AGO1: variants seen among roughly 807,000 people sequenced by gnomAD.
The protein encoded by AGO1 is protein argonaute-1.
Under a neutral mutation model 109.2 loss-of-function variants are expected in AGO1, and 11 were observed. That is an observed-to-expected ratio of 0.10 (90% CI 0.06 to 0.17). The LOEUF is 0.17. Among genes scored for constraint, AGO1 ranks in the 10% least tolerant of loss-of-function variants. The probability of loss-of-function intolerance (pLI) is 1.00; values close to 1 mark genes in which losing one functional copy is unlikely to be tolerated. For synonymous variants in AGO1, 422 were observed against 418.6 expected (o/e 1.01, Z -0.10); for missense variants, 574 against 1,140.3 (o/e 0.50, Z 7.15).
chr1:35,903,900 T>C (rs1645468560), intron 11 of AGO1, among the ~76,000 whole-genome samples: 1 of 151,324 alleles, frequency 6.6e-6, no homozygotes. Flanking sequence ...GAGGCAGAGG[T>C]TGCAGTGAGC....
chr1:35,901,464 G>T lies in AGO1; in HGVS notation c.1021-10G>T, dbSNP rs1645415304. 1 of 1,613,972 alleles carries T rather than the reference G, an allele frequency of 6.2e-7. No individual in the cohort carries two copies. Among genetic ancestry groups the T allele is most frequent in the Non-Finnish European group, 8.5e-7 (1 of 1,179,918 alleles). The stretch of plus-strand genomic sequence containing the variant: ...CAAGCCAGAGCTACCTGTCCTTCTT[G>T]TTTCCTCAGGTCTGTAACATTGTGG... On this transcript the variant is annotated splice_polypyrimidine_tract_variant and intron_variant, in intron 8 of 18. Coordinates refer to ENST00000373204, the MANE Select transcript of AGO1 (RefSeq NM_012199.5). The surrounding 1 kb of genome is among the most constrained non-coding windows in gnomAD (Gnocchi z 4.8).
chr1:35,912,479 G>C (rs977331894), intron 12 of AGO1, among the ~76,000 whole-genome samples: 108 of 151,636 alleles, frequency 7.1e-4, no homozygotes, highest in Middle Eastern at 3.4e-3. Flanking sequence ...AGGCCCATTT[G>C]CTTAGTTGAT....
chr1:35,878,144 T>C (rs1645007181), intron 1 of AGO1, among the ~76,000 whole-genome samples: 1 of 152,026 alleles, frequency 6.6e-6, no homozygotes, highest in Non-Finnish European at 1.5e-5. Flanking sequence ...AGTGCAGTGG[T>C]GCAGTCTCGG....
chr1:35,908,816 CTTTTTTTTTT>C (rs397861392), intron 12 of AGO1, among the ~76,000 whole-genome samples: 13 of 131,346 alleles, frequency 9.9e-5, no homozygotes, highest in Non-Finnish European at 1.5e-4. Context: ...TCTAACCTTC[CTTTTTTTTTT>C]TTTTTTTTTT....
upstream of AGO1, among the ~76,000 whole-genome samples, chr1:35,878,555 T>TG (rs1645010291): frequency 6.6e-6 from 1 of 152,186 alleles, no homozygotes; most frequent in Non-Finnish European, 1.5e-5. Context: ...TACATGGGGA[T>TG]GGGTAGGGAT....
chr1:35,901,341 C>A lies in AGO1; in HGVS notation c.1021-133C>A. On this transcript the variant is annotated intron_variant, in intron 8 of 18. Coordinates refer to ENST00000373204, the MANE Select transcript of AGO1 (RefSeq NM_012199.5). The surrounding 1 kb of genome is among the most constrained non-coding windows in gnomAD (Gnocchi z 4.8). ...TCAAATGATACTCAGGAGGAGAATA[C>A]ATGTATGCACAACGGATTTTGCAGT... 9.4e-7 allele frequency: 1 copy of A among 1,065,020 alleles called. No individual in the cohort carries two copies. Among genetic ancestry groups the A allele is most frequent in the Non-Finnish European group, 1.4e-6 (1 of 720,354 alleles). 66.0% of individuals were successfully genotyped at this position (1,065,020 alleles called of 1,614,324 possible).
chr1:35,906,921 A>C lies in AGO1; in HGVS notation c.1398-14A>C. On this transcript the variant is annotated splice_polypyrimidine_tract_variant and intron_variant, in intron 11 of 18. Coordinates refer to ENST00000373204, the MANE Select transcript of AGO1 (RefSeq NM_012199.5). ...GAGACTCACTGCCTCCTTTGTGACC[A>C]TGCGTGTGTACAGGAACTTCACAGA... 6.2e-7 allele frequency: 1 copy of C among 1,601,526 alleles called. No homozygotes were observed. Among genetic ancestry groups the C allele is most frequent in the Non-Finnish European group, 8.5e-7 (1 of 1,172,798 alleles).
chr1:35,915,646 G>A (rs1645721214), intron 15 of AGO1, 104 bp downstream of exon 15: 1 of 1,109,934 alleles, frequency 9.0e-7, no homozygotes, highest in African/African-American at 1.5e-5. Flanking sequence ...TCACTTCTTA[G>A]TGAGCTTTGC....
chr1:35,895,049 A>G, intron 7 of AGO1, 73 bp from the exon 8 acceptor site: 1 of 1,488,082 alleles, frequency 6.7e-7, no homozygotes, highest in Non-Finnish European at 9.0e-7. Flanking sequence ...TGAGGCTTCC[A>G]TGGTTGTGGG....
rs1410012607 is a variant in AGO1, at chr1:35,913,058, C to T, written c.1583-784C>T. Among the ~76,000 whole-genome samples the T allele has an allele frequency of 1.3e-4, 20 of 150,988 alleles. No homozygotes were observed. In the East Asian group the frequency reaches 3.5e-3, roughly 27 times the overall value. ...TTCTGGATATGGAGTCTCACTCTGT[C>T]GCCCAGGCTGGAGTGCAGTGGCACA... On this transcript the variant is annotated intron_variant, in intron 12 of 18. Transcript: ENST00000373204.
At chr1:35,916,423 A>G (rs972622092) in intron 15 of AGO1, among the ~76,000 whole-genome samples, 11 of 152,118 alleles carry the variant, frequency 7.2e-5, no homozygotes, top group African/African-American at 2.7e-4. Flanking sequence ...GGTGGAGCGC[A>G]GTGGTGTGAT....
In AGO1 at chr1:35,902,188, CT is replaced by C. The variant is rs762370064; in HGVS notation, c.1264-15del. The C allele has an allele frequency of 6.2e-7, 1 of 1,611,170 alleles. No individual in the cohort carries two copies. Among genetic ancestry groups the C allele is most frequent in the Admixed American group, 1.7e-5 (1 of 59,832 alleles). On this transcript the variant is annotated splice_polypyrimidine_tract_variant and intron_variant, in intron 10 of 18. Coordinates refer to ENST00000373204, the MANE Select transcript of AGO1 (RefSeq NM_012199.5). ...CTACTGAGGCTCACCTAGGCGCCCC[CT>C]CTACCTATCCCCAGAACCGGGCCAT...
intron 1 of AGO1, among the ~76,000 whole-genome samples, chr1:35,886,770 G>A (rs1054636654): frequency 6.6e-6 from 1 of 152,136 alleles, no homozygotes; most frequent in South Asian, 2.1e-4. Flanking sequence ...GTGTGTTTTT[G>A]TGGTGTGTCT....
At position 35,894,134 on chromosome 1, in the gene AGO1, G is replaced by T. The variant is rs780175783; in HGVS notation, c.747G>T (p.Thr249=). The T allele has an allele frequency of 1.3e-6, 2 of 1,585,448 alleles. No homozygotes were observed. The highest frequency in any genetic ancestry group is 4.5e-5 in the East Asian group (2 of 44,684). Residue 249 remains threonine (T), a synonymous_variant, in exon 6 of 19, where the codon ACG becomes ACT. Coordinates refer to ENST00000373204, the MANE Select transcript of AGO1 (RefSeq NM_012199.5). Reference sequence around the variant, plus strand: ...TAGATGAGCAGCCCAAGCCCCTCACGGACTCTCAGCGCGTTCGCTTCACCA... The same window carrying T: ...TAGATGAGCAGCCCAAGCCCCTCACTGACTCTCAGCGCGTTCGCTTCACCA... ...RNIDEQPKPL[T]DSQRVRFTKE...
At chr1:35,874,049 A>G (rs1644973799) in intron 1 of AGO1, among the ~76,000 whole-genome samples, 1 of 152,116 alleles carries the variant, frequency 6.6e-6, no homozygotes, top group South Asian at 2.1e-4. Context: ...TTTCATTATT[A>G]CTGTATCTGT....
At chr1:35,881,342 C>T (rs1337017637), upstream of AGO1, among the ~76,000 whole-genome samples, 2 of 151,580 alleles carry the variant, frequency 1.3e-5, no homozygotes, top group African/African-American at 2.4e-5. Flanking sequence ...TTTTTTGAGA[C>T]GGAGTTTCAC....
upstream of AGO1, among the ~76,000 whole-genome samples, chr1:35,878,704 A>G (rs1645011538): frequency 6.6e-6 from 1 of 152,182 alleles, no homozygotes; most frequent in East Asian, 1.9e-4. Context: ...ATTGGTTCTT[A>G]TAGATTTTCT....
rs879239347 is a variant in AGO1, at chr1:35,919,745, G to A, written c.*138G>A. The A allele has an allele frequency of 2.7e-6, 2 of 743,054 alleles. No homozygotes were observed. Among genetic ancestry groups the A allele is most frequent in the Non-Finnish European group, 4.3e-6 (2 of 463,654 alleles). 46.0% of individuals were successfully genotyped at this position (743,054 alleles called of 1,614,324 possible). On this transcript the variant is annotated 3_prime_UTR_variant, in exon 19 of 19. Transcript: ENST00000373204. The surrounding 1 kb of genome is among the most constrained non-coding windows in gnomAD (Gnocchi z 6.6). ...AGGATGCCTTGTTTCCTTCTATAGA[G>A]GTGGTGTAAGAGTGGGGAACAGGGC... is the stretch of plus-strand genomic sequence containing the variant.
chr1:35,905,126 A>G (rs1286734573), intron 11 of AGO1, among the ~76,000 whole-genome samples: 3 of 152,228 alleles, frequency 2.0e-5, no homozygotes, highest in African/African-American at 4.8e-5. Context: ...TTCCAAGTGT[A>G]GTCTGGTAGT....
Sources: gnomAD v4.1 joint callset for allele counts (sites outside exome capture counted in the v4.1 genomes callset) on GRCh38, gnomAD v4.1.1 for gene constraint, Gnocchi (gnomAD v3.1) non-coding constraint, MANE v1.5 for transcripts, NCBI Gene and HGNC (gene_info 2026-07-23, HGNC 2026-07-21) for gene names.